ECT2L: variants seen among roughly 807,000 people sequenced by gnomAD.
ECT2L encodes epithelial cell-transforming sequence 2 oncogene-like.
ECT2L carries 126 observed loss-of-function variants against 122.8 expected under a neutral mutation model. The observed-to-expected ratio is 1.03, with a 90% confidence interval of 0.89 to 1.19. The LOEUF (loss-of-function observed/expected upper bound fraction) is 1.19. Ranked by LOEUF, ECT2L falls within the 50% of genes most tolerant of loss-of-function variation. The pLI, the probability that ECT2L is intolerant of heterozygous loss-of-function variation, is 0.00. For synonymous variants in ECT2L, 385 were observed against 381.8 expected, an observed-to-expected ratio of 1.01 and a Z score of -0.10; for missense variants, 1,012 against 1,064.1, an observed-to-expected ratio of 0.95 and a Z score of 0.68.
chr6:138,807,182 C>G (rs1775742009), intron 1 of ECT2L, among the ~76,000 whole-genome samples: 1 of 151,618 alleles, frequency 6.6e-6, no homozygotes. Flanking sequence ...CCATGTTGTC[C>G]AAGCTTGTCT....
chr6:138,808,724 CTTTTCTTTT>C (rs1775792292), intron 1 of ECT2L, among the ~76,000 whole-genome samples: 2 of 86,902 alleles, frequency 2.3e-5, no homozygotes, highest in South Asian at 9.2e-4. Flanking sequence ...TTTCCTTTCT[CTTTTCTTTT>C]TTTTTTTTTT....
At chr6:138,897,713 TTG>T (rs1779264633) in intron 20 of ECT2L, among the ~76,000 whole-genome samples, 1 of 152,176 alleles carries the variant, frequency 6.6e-6, no homozygotes. Flanking sequence ...AATAACCTCA[TTG>T]TGTGTTTCTT....
intron 1 of ECT2L, among the ~76,000 whole-genome samples, chr6:138,800,846 TTC>T (rs1310662384): frequency 6.6e-6 from 1 of 152,188 alleles, no homozygotes; most frequent in Non-Finnish European, 1.5e-5. Context: ...TTTCTCACAG[TTC>T]TGGAGGTTGG....
At chr6:138,878,781 C>CTCATCTCCATTTGATG (rs1490059324) in intron 14 of ECT2L, 1 of 152,276 alleles carries the variant, frequency 6.6e-6, no homozygotes, top group African/African-American at 2.4e-5. Context: ...TTTTCCCCTT[C>CTCATCTCCATTTGATG]TCATCTCCAT....
chr6:138,896,936 GC>G (rs1272460153), intron 20 of ECT2L, among the ~76,000 whole-genome samples: 1 of 152,118 alleles, frequency 6.6e-6, no homozygotes, highest in African/African-American at 2.4e-5. Context: ...GTGAGCCACC[GC>G]ACCTGGCCTA....
chr6:138,822,219 ACAGAG>A (rs1224282895), intron 4 of ECT2L, among the ~76,000 whole-genome samples: 2 of 152,210 alleles, frequency 1.3e-5, no homozygotes, highest in Admixed American at 6.5e-5. Flanking sequence ...GTTGCCAGGG[ACAGAG>A]CAGTGAACAA....
Position 138,813,351 on chromosome 6 carries a change from T to C in ECT2L, c.66+11T>C, listed in dbSNP as rs764215943. ...TCATTAAATAGACAGGTAAGTTACA[T>C]ACTTTAAAACAGAACAAGTTTAATT... On this transcript the variant is annotated intron_variant, in intron 3 of 21. Transcript: ENST00000541398. The C allele has an allele frequency of 3.1e-6, 5 of 1,601,576 alleles. No homozygotes were observed. The highest frequency in any genetic ancestry group is 1.3e-5 in the African/African-American group (1 of 74,616).
chr6:138,796,542 C>T (rs963587728), intron 1 of ECT2L, among the ~76,000 whole-genome samples: 1 of 151,778 alleles, frequency 6.6e-6, no homozygotes, highest in African/African-American at 2.4e-5. Context: ...TGCCTTCTTC[C>T]TTCTGACAGT....
intron 4 of ECT2L, among the ~76,000 whole-genome samples, chr6:138,817,949 G>C (rs1333806481): frequency 6.6e-6 from 1 of 152,104 alleles, no homozygotes; most frequent in African/African-American, 2.4e-5. Flanking sequence ...CCTTTCCTGT[G>C]ACTCCTTAAA....
rs545167493 is a variant in ECT2L at position 138,857,760 on chromosome 6, C to T, written c.1198+3606C>T. ...ATTCCCTAGGGCTTGATCCTAGCCT[C>T]TCTCCTTTTCCACATACGCACTCTC... On this transcript the variant is annotated intron_variant, in intron 10 of 21. Coordinates refer to ENST00000541398, the MANE Select transcript of ECT2L (RefSeq NM_001077706.3). Among the ~76,000 whole-genome samples, 3 of 152,296 alleles carry T rather than the reference C, an allele frequency of 2.0e-5. No homozygotes were observed. The South Asian group carries it at 6.2e-4, about 32-fold the overall frequency.
intron 4 of ECT2L, among the ~76,000 whole-genome samples, chr6:138,836,247 T>A (rs997592741): frequency 3.3e-5 from 5 of 152,072 alleles, no homozygotes; most frequent in African/African-American, 4.8e-5. Flanking sequence ...AATATCCTGT[T>A]TCTTATCAAG....
intron 13 of ECT2L, among the ~76,000 whole-genome samples, chr6:138,874,208 C>T (rs1197262846): frequency 4.6e-5 from 7 of 151,978 alleles, no homozygotes; most frequent in Non-Finnish European, 5.9e-5. Flanking sequence ...AGAAAAATTC[C>T]TAACATGTTC....
At chr6:138,858,806 A>T (rs1373040640) in intron 10 of ECT2L, among the ~76,000 whole-genome samples, 1 of 148,864 alleles carries the variant, frequency 6.7e-6, no homozygotes, top group Non-Finnish European at 1.5e-5. Context: ...CCCGGGGTCA[A>T]GCGATCCTCC....
chr6:138,801,689 A>G (rs1010710876), intron 1 of ECT2L, among the ~76,000 whole-genome samples: 33 of 152,168 alleles, frequency 2.2e-4, no homozygotes, highest in African/African-American at 8.0e-4. Context: ...AGGGAGGTGG[A>G]AGTTGCAGTG....
intron 20 of ECT2L, among the ~76,000 whole-genome samples, chr6:138,889,666 A>G (rs1778951234): frequency 6.6e-6 from 1 of 152,232 alleles, no homozygotes; most frequent in South Asian, 2.1e-4. Context: ...TTTTCACACC[A>G]ATGATCTGCT....
chr6:138,849,307 G>T lies in ECT2L; in HGVS notation c.942G>T (p.Val314=). 6.2e-7 allele frequency: 1 copy of T among 1,613,358 alleles called. No individual in the cohort carries two copies. The highest frequency in any genetic ancestry group is 1.1e-5 in the South Asian group (1 of 90,932). ...MESVKAGVVS[V]VYEHSVTLES... is the part of the protein sequence containing the mutation. ...GTGTGAAGGCTGGTGTTGTTTCTGTGGTATATGAACACAGCGTAACCTTGG... is the reference window on the plus strand; with the variant it reads ...GTGTGAAGGCTGGTGTTGTTTCTGTTGTATATGAACACAGCGTAACCTTGG... Residue 314 remains valine (V), a synonymous_variant, in exon 9 of 22, where the codon GTG becomes GTT. Coordinates refer to ENST00000541398, the MANE Select transcript of ECT2L (RefSeq NM_001077706.3).
intron 16 of ECT2L, among the ~76,000 whole-genome samples, chr6:138,884,476 A>G (rs1778745079): frequency 1.3e-5 from 2 of 151,988 alleles, no homozygotes; most frequent in Admixed American, 1.3e-4. Context: ...CGTCTCTACT[A>G]AAAATACAAA....
chr6:138,868,127 G>A lies in ECT2L; in HGVS notation c.1499G>A (p.Gly500Asp), dbSNP rs749283749. ...MIGQFMFDTM[G>D]MTNILNNQDT... ...GGGCAGTTTATGTTTGACACCATGG[G>A]TATGACCAACATTCTAAACAACCAA... The change falls in exon 13 of 22, where the codon GGT (glycine) becomes GAT (aspartate). Residue 500 changes from glycine (G) to aspartate (D), a missense_variant. Coordinates refer to ENST00000541398, the MANE Select transcript of ECT2L (RefSeq NM_001077706.3). 14 of 1,612,440 alleles carry A rather than the reference G, an allele frequency of 8.7e-6. No homozygotes were observed. The East Asian group carries it at 2.5e-4, about 28-fold the overall frequency.
At chr6:138,873,898 G>GTGTGTGTGTGTA (rs1554277020) in intron 13 of ECT2L, among the ~76,000 whole-genome samples, 2,299 of 150,128 alleles carry the variant, frequency 0.015, 63 homozygotes, top group African/African-American at 0.053. Flanking sequence ...GTGTGTGTGT[G>GTGTGTGTGTGTA]TGTGTGTGTG....
Sources: allele counts gnomAD v4.1 joint callset (sites outside exome capture counted in the v4.1 genomes callset), GRCh38; gene constraint gnomAD v4.1.1; transcripts MANE v1.5; gene names NCBI Gene and HGNC (gene_info 2026-07-23, HGNC 2026-07-21).